SMIM8: variants seen among roughly 807,000 people sequenced by gnomAD.
SMIM8 encodes the protein UPF0708 protein C6orf162.
SMIM8 carries 8 observed loss-of-function variants against 8.1 expected under a neutral mutation model. The ratio of observed to expected loss-of-function variants is 0.99; its 90% confidence interval spans 0.58 to 1.78. SMIM8 has a LOEUF of 1.78. Among genes scored for constraint, SMIM8 ranks in the 40% most tolerant of loss-of-function variants. SMIM8 has a pLI of 0.00. For missense variants in SMIM8, 126 were observed against 119.8 expected, an observed-to-expected ratio of 1.05 and a Z score of -0.24; for synonymous variants, 45 against 39.7, an observed-to-expected ratio of 1.13 and a Z score of -0.50.
At chr6:87,335,214 G>C (rs1777080539) in intron 2 of SMIM8, among the ~76,000 whole-genome samples, 1 of 152,186 alleles carries the variant, frequency 6.6e-6, no homozygotes, top group African/African-American at 2.4e-5. Context: ...CCTGTAAGAA[G>C]ACTGCAACTA....
intron 3 of SMIM8, among the ~76,000 whole-genome samples, chr6:87,339,808 T>C (rs545337862): frequency 2.6e-5 from 4 of 152,284 alleles, no homozygotes; most frequent in East Asian, 3.9e-4. Context: ...CTCCGGGTGC[T>C]GACCAGTTTT....
intron 1 of SMIM8, among the ~76,000 whole-genome samples, chr6:87,329,792 C>T (rs530460403): frequency 2.5e-4 from 38 of 152,180 alleles, no homozygotes; most frequent in African/African-American, 9.2e-4. Flanking sequence ...TGATCGCACC[C>T]TCCTGGTAAG....
chr6:87,326,372 TG>T (rs1776821800), intron 1 of SMIM8, among the ~76,000 whole-genome samples: 3 of 152,232 alleles, frequency 2.0e-5, no homozygotes, highest in African/African-American at 7.2e-5. Flanking sequence ...GTGTCAATTT[TG>T]GATCTTTCCT....
At position 87,340,234 on chromosome 6, in the gene SMIM8, G is replaced by A; in HGVS notation, c.254G>A (p.Gly85Glu). The A allele has an allele frequency of 6.2e-7, 1 of 1,609,400 alleles. No homozygotes were observed. ...KDLYEAIDSE[G>E]HSYMRRKTSK... ...CTCTATGAAGCTATTGATAGTGAGG[G>A]GCACAGTTATATGAGGCGGAAAACA... The change falls in exon 4 of 4, where the codon GGG becomes GAG. Residue 85 changes from glycine to glutamate, a missense_variant. Transcript: ENST00000392863.
chr6:87,333,533 G>A (rs539533492), intron 2 of SMIM8, among the ~76,000 whole-genome samples: 9 of 152,282 alleles, frequency 5.9e-5, no homozygotes, highest in African/African-American at 2.2e-4. Context: ...TCGTGGCTAA[G>A]AGAAGAAAAA....
intron 2 of SMIM8, among the ~76,000 whole-genome samples, chr6:87,331,913 AT>A (rs1314860270): frequency 2.0e-5 from 3 of 152,178 alleles, no homozygotes; most frequent in Admixed American, 6.5e-5. Flanking sequence ...AACAGTGGAA[AT>A]TGTGGTATAT....
At chr6:87,327,900 C>A (rs9344701) in intron 1 of SMIM8, among the ~76,000 whole-genome samples, 9,212 of 149,474 alleles carry the variant, frequency 0.062, 291 homozygotes, top group East Asian at 0.13. Flanking sequence ...ACCAATCAGA[C>A]GTAGATTTGG....
intron 1 of SMIM8, among the ~76,000 whole-genome samples, chr6:87,327,198 T>G (rs933067754): frequency 6.7e-6 from 1 of 149,188 alleles, no homozygotes; most frequent in Non-Finnish European, 1.5e-5. Flanking sequence ...TACAGCACAC[T>G]GATGGGTCTT....
chr6:87,330,531 C>G (rs770659291), intron 1 of SMIM8, among the ~76,000 whole-genome samples, 161 bp from the exon 2 acceptor site: 2 of 152,064 alleles, frequency 1.3e-5, no homozygotes, highest in African/African-American at 4.8e-5. Flanking sequence ...TCCTGACTCT[C>G]GGTGTAGGAC....
intron 2 of SMIM8, among the ~76,000 whole-genome samples, chr6:87,333,653 C>A (rs1777040709): frequency 6.6e-6 from 1 of 152,168 alleles, no homozygotes; most frequent in Non-Finnish European, 1.5e-5. Context: ...ACTACCCCAA[C>A]ATTGTTCACA....
chr6:87,336,944 T>C, intron 2 of SMIM8, 65 bp from the exon 3 acceptor site: 1 of 1,334,722 alleles, frequency 7.5e-7, no homozygotes, highest in Non-Finnish European at 9.9e-7. Flanking sequence ...TAAGAATTAC[T>C]TTTTAAAGAA....
At chr6:87,327,329 C>T (rs1278343372) in intron 1 of SMIM8, among the ~76,000 whole-genome samples, 3 of 151,734 alleles carry the variant, frequency 2.0e-5, no homozygotes, top group Non-Finnish European at 4.4e-5. Context: ...CGTTATTTTG[C>T]TCGTTAGTTG....
chr6:87,336,327 A>G (rs995670001), intron 2 of SMIM8, among the ~76,000 whole-genome samples: 5 of 152,250 alleles, frequency 3.3e-5, no homozygotes, highest in Admixed American at 3.3e-4. Flanking sequence ...GAAAACAAGA[A>G]GACAAAAGAC....
intron 1 of SMIM8, among the ~76,000 whole-genome samples, chr6:87,324,017 A>G (rs1776749597): frequency 6.7e-6 from 1 of 149,926 alleles, no homozygotes; most frequent in Non-Finnish European, 1.5e-5. Context: ...CATTTCTCTG[A>G]TGGCCAGTGA....
intron 1 of SMIM8, among the ~76,000 whole-genome samples, chr6:87,326,089 A>G (rs1345569670): frequency 6.6e-6 from 1 of 152,090 alleles, no homozygotes; most frequent in Admixed American, 6.6e-5. Flanking sequence ...GGTAGTTTGT[A>G]TTTCTGTGGG....
chr6:87,337,719 T>C (rs1777143475), intron 3 of SMIM8, among the ~76,000 whole-genome samples: 1 of 152,186 alleles, frequency 6.6e-6, no homozygotes, highest in East Asian at 1.9e-4. Context: ...TTCAAACCCC[T>C]GGGCTCAAGG....
chr6:87,332,428 A>G (rs961003523), intron 2 of SMIM8, among the ~76,000 whole-genome samples: 3 of 149,460 alleles, frequency 2.0e-5, no homozygotes, highest in Admixed American at 6.7e-5. Context: ...CCAAAATTAT[A>G]TACAGTATAT....
intron 1 of SMIM8, among the ~76,000 whole-genome samples, chr6:87,325,874 C>T (rs865895916): frequency 7.9e-5 from 12 of 152,294 alleles, no homozygotes; most frequent in South Asian, 2.1e-4. Context: ...TGTTAGAATT[C>T]GGCTGTGAAG....
intron 2 of SMIM8, 57 bp from the exon 3 acceptor site, chr6:87,336,948 TAAAG>T: frequency 7.4e-7 from 1 of 1,347,468 alleles, no homozygotes; most frequent in East Asian, 2.6e-5. Flanking sequence ...AATTACTTTT[TAAAG>T]AAATTTATCA....
Sources: gnomAD v4.1 joint callset for allele counts (sites outside exome capture counted in the v4.1 genomes callset) on GRCh38, gnomAD v4.1.1 for gene constraint, MANE v1.5 for transcripts, NCBI Gene and HGNC (gene_info 2026-07-23, HGNC 2026-07-21) for gene names.